WASF2: variants seen among roughly 807,000 people sequenced by gnomAD.
WASF2 encodes the protein actin-binding protein WASF2.
In WASF2, 14 loss-of-function variants were observed where a neutral mutation model predicts 45.0. That is an observed-to-expected ratio of 0.31 (90% CI 0.21 to 0.49). The LOEUF (loss-of-function observed/expected upper bound fraction) is 0.49. WASF2 is among the 20% of genes least tolerant of loss of function. WASF2 has a pLI of 0.99. For synonymous variants in WASF2, 200 were observed against 236.3 expected (o/e 0.85, Z 1.41); for missense variants, 439 against 636.1 (o/e 0.69, Z 3.33).
At chr1:27,428,639 C>T in intron 2 of WASF2, 122 bp downstream of exon 2, 1 of 1,451,712 alleles carries the variant, frequency 6.9e-7, no homozygotes, top group Non-Finnish European at 9.5e-7. Context: ...AGGGAGGATA[C>T]ATTTTCGCAT....
In WASF2 at chr1:27,428,917, G is replaced by A. The variant is rs1459311759; in HGVS notation, c.-27C>T. ...GTGGACCTGCTTCAGGCAATGTTCT[G>A]AATGGTGAAAAACAACCTAAAAAAG... On this transcript the variant is annotated 5_prime_UTR_variant, in exon 2 of 9. Coordinates refer to ENST00000618852, the MANE Select transcript of WASF2 (RefSeq NM_006990.5). 3.1e-6 allele frequency: 5 copies of A among 1,606,432 alleles called. No homozygotes were observed. The highest frequency in any genetic ancestry group is 3.4e-6 in the Non-Finnish European group (4 of 1,175,556).
chr1:27,438,292 T>C (rs2017163953), intron 1 of WASF2, among the ~76,000 whole-genome samples: 1 of 152,192 alleles, frequency 6.6e-6, no homozygotes, highest in African/African-American at 2.4e-5. Flanking sequence ...CTGAGTACTG[T>C]ACTAGGTTAA....
chr1:27,436,534 ATT>A (rs1406454576), intron 1 of WASF2, among the ~76,000 whole-genome samples: 1 of 152,224 alleles, frequency 6.6e-6, no homozygotes, highest in Non-Finnish European at 1.5e-5. Flanking sequence ...TCGAATAGTC[ATT>A]TGACTTCAAA....
chr1:27,413,497 C>T (rs1220247346), intron 6 of WASF2, among the ~76,000 whole-genome samples: 8 of 152,112 alleles, frequency 5.3e-5, no homozygotes, highest in Non-Finnish European at 1.2e-4. Flanking sequence ...TAAAACAGAC[C>T]TCAGGGAGAA....
chr1:27,429,423 T>C (rs1460824478), intron 1 of WASF2, among the ~76,000 whole-genome samples: 12 of 152,336 alleles, frequency 7.9e-5, no homozygotes, highest in Non-Finnish European at 1.5e-4. Flanking sequence ...CCAATAGTGA[T>C]TGATATACAT....
intron 1 of WASF2, among the ~76,000 whole-genome samples, chr1:27,465,098 C>T (rs1293374011): frequency 6.6e-6 from 1 of 152,162 alleles, no homozygotes; most frequent in African/African-American, 2.4e-5. Context: ...GCTGAGACTG[C>T]CAGATGTCTG....
chr1:27,417,703 C>G (rs536203192), intron 4 of WASF2, among the ~76,000 whole-genome samples: 1 of 152,310 alleles, frequency 6.6e-6, no homozygotes, highest in South Asian at 2.1e-4. Flanking sequence ...AGAGTAGGTC[C>G]TTACAGAAGG....
intron 1 of WASF2, among the ~76,000 whole-genome samples, chr1:27,475,597 A>G (rs2017754865): frequency 6.6e-6 from 1 of 152,038 alleles, no homozygotes; most frequent in South Asian, 2.1e-4. Context: ...TCTAACATAC[A>G]TCACAATCTT....
At chr1:27,474,179 G>A (rs2017733233) in intron 1 of WASF2, among the ~76,000 whole-genome samples, 1 of 152,124 alleles carries the variant, frequency 6.6e-6, no homozygotes, top group Non-Finnish European at 1.5e-5. Context: ...GCCATGAGTT[G>A]ATACTTGTTG....
chr1:27,467,878 C>T (rs2017637421), intron 1 of WASF2, among the ~76,000 whole-genome samples: 2 of 151,940 alleles, frequency 1.3e-5, no homozygotes, highest in South Asian at 4.1e-4. Flanking sequence ...CGCCACTGCA[C>T]TCCAGCCTGG....
intron 1 of WASF2, among the ~76,000 whole-genome samples, chr1:27,476,471 C>T (rs1192371828): frequency 6.6e-6 from 1 of 152,182 alleles, no homozygotes; most frequent in South Asian, 2.1e-4. Flanking sequence ...ATGACCCAAA[C>T]ACCTCCTACC....
chr1:27,433,840 G>A (rs1394197278), intron 1 of WASF2, among the ~76,000 whole-genome samples: 3 of 152,212 alleles, frequency 2.0e-5, no homozygotes, highest in Non-Finnish European at 4.4e-5. Context: ...TAGCGCCAGT[G>A]AAGGAAAACA....
intron 1 of WASF2, among the ~76,000 whole-genome samples, chr1:27,443,958 T>G (rs575420264): frequency 6.6e-6 from 1 of 152,088 alleles, no homozygotes; most frequent in African/African-American, 2.4e-5. Flanking sequence ...TTTTTGTATT[T>G]TTAGTAGATA....
intron 1 of WASF2, among the ~76,000 whole-genome samples, chr1:27,456,475 A>G (rs2148128394): frequency 6.6e-6 from 1 of 152,288 alleles, no homozygotes; most frequent in African/African-American, 2.4e-5. Flanking sequence ...AGAGGTCCAT[A>G]TCAGATAGGC....
intron 1 of WASF2, among the ~76,000 whole-genome samples, chr1:27,440,726 G>A (rs1196805748): frequency 2.0e-5 from 3 of 152,038 alleles, no homozygotes; most frequent in Non-Finnish European, 4.4e-5. Flanking sequence ...GGACACGGTG[G>A]TCTTTAAAAA....
At chr1:27,420,858 A>G (rs980698367) in intron 2 of WASF2, among the ~76,000 whole-genome samples, 1 of 152,106 alleles carries the variant, frequency 6.6e-6, no homozygotes, top group African/African-American at 2.4e-5. Context: ...GAAGGCACGC[A>G]TAAGAGACTG....
rs563083305 is a variant in WASF2 at position 27,467,503 on chromosome 1, G to A, written c.-44+22483C>T. 1.3e-4 allele frequency among the ~76,000 whole-genome samples: 19 copies of A among 149,786 alleles called. 1 individual carries two copies. The highest frequency in any genetic ancestry group is 4.1e-4 in the African/African-American group (17 of 41,260). Reference sequence around the variant, plus strand: ...TTTTTAGTAGAGACGGCATTTCACCGTGTTAGCCAGGATGGTCTCAATCTC... The same window carrying A: ...TTTTTAGTAGAGACGGCATTTCACCATGTTAGCCAGGATGGTCTCAATCTC... On this transcript the variant is annotated intron_variant, in intron 1 of 8. Transcript: ENST00000618852.
At chr1:27,416,207 CAAG>C in intron 4 of WASF2, 105 bp from the exon 5 acceptor site, 1 of 943,864 alleles carries the variant, frequency 1.1e-6, no homozygotes. Context: ...ACCAAGGAAT[CAAG>C]AAGTCATTTG....
intron 1 of WASF2, among the ~76,000 whole-genome samples, chr1:27,468,124 G>A (rs2017640376): frequency 6.6e-6 from 1 of 151,848 alleles, no homozygotes; most frequent in South Asian, 2.1e-4. Context: ...GTATAGATGG[G>A]GTTTTACCAT....
Sources: gnomAD v4.1 joint callset for allele counts (sites outside exome capture counted in the v4.1 genomes callset) on GRCh38, gnomAD v4.1.1 for gene constraint, MANE v1.5 for transcripts, NCBI Gene and HGNC (gene_info 2026-07-23, HGNC 2026-07-21) for gene names.